SLC25A48: variants seen among roughly 807,000 people sequenced by gnomAD.
SLC25A48 encodes solute carrier family 25 member 48.
SLC25A48 carries 29 observed loss-of-function variants against 32.2 expected under a neutral mutation model. That is an observed-to-expected ratio of 0.90 (90% CI 0.67 to 1.23). The LOEUF is 1.23. SLC25A48 is among the 50% of genes most tolerant of loss of function. SLC25A48 has a pLI of 0.00. For missense variants in SLC25A48, 399 were observed against 422.7 expected, an observed-to-expected ratio of 0.94 and a Z score of 0.49; for synonymous variants, 164 against 172.3, an observed-to-expected ratio of 0.95 and a Z score of 0.38.
chr5:135,582,749 C>A (rs1235600701), intron 1 of SLC25A48, among the ~76,000 whole-genome samples: 1 of 152,180 alleles, frequency 6.6e-6, no homozygotes, highest in Non-Finnish European at 1.5e-5. Flanking sequence ...CCTGTTCCCA[C>A]CTCAGGGTCT....
intron 1 of SLC25A48, chr5:135,609,500 C>G (rs1192794157): frequency 6.6e-6 from 1 of 152,234 alleles, no homozygotes; most frequent in African/African-American, 2.4e-5. Context: ...GGAAGGGGTA[C>G]TGTTCAGATG....
intron 3 of SLC25A48, among the ~76,000 whole-genome samples, chr5:135,779,426 C>A (rs1580870688): frequency 6.6e-6 from 1 of 151,664 alleles, no homozygotes; most frequent in Non-Finnish European, 1.5e-5. Flanking sequence ...ACATTACTCC[C>A]AATATCACAG....
intron 3 of SLC25A48, among the ~76,000 whole-genome samples, chr5:135,636,976 C>G (rs903044270): frequency 7.8e-6 from 1 of 128,882 alleles, no homozygotes; most frequent in South Asian, 2.5e-4. Context: ...GTATCCGTTA[C>G]GAGTAGGGTG....
At position 135,648,014 on chromosome 5, in the gene SLC25A48, C is replaced by T. The variant is rs565103077; in HGVS notation, c.-521+13058C>T. ...TCTGGCTTTGCACTAGACTCTTCCT[C>T]TCTGGGCTCAGGCCTGTGTGGCCTG... is the stretch of plus-strand genomic sequence containing the variant. On this transcript the variant is annotated intron_variant, in intron 3 of 10. Coordinates refer to the SLC25A48 transcript ENST00000646290. Among the ~76,000 whole-genome samples the T allele has an allele frequency of 2.6e-5, 4 of 152,294 alleles. No individual in the cohort carries two copies. The South Asian group carries it at 8.3e-4, about 32-fold the overall frequency.
chr5:135,756,891 T>C (rs1755923832), intron 3 of SLC25A48, among the ~76,000 whole-genome samples: 1 of 151,488 alleles, frequency 6.6e-6, no homozygotes, highest in Admixed American at 6.6e-5. Context: ...ATGATATTTA[T>C]AATATGTAGT....
intron 3 of SLC25A48, among the ~76,000 whole-genome samples, chr5:135,777,565 AAGG>A (rs1756597859): frequency 6.6e-6 from 1 of 151,734 alleles, no homozygotes; most frequent in Non-Finnish European, 1.5e-5. Flanking sequence ...ATTTAGAAAA[AAGG>A]AGGATAATAT....
chr5:135,598,593 A>G (rs182537174), intron 1 of SLC25A48, among the ~76,000 whole-genome samples: 2 of 152,330 alleles, frequency 1.3e-5, no homozygotes, highest in East Asian at 3.9e-4. Context: ...CAGGCACTTC[A>G]CAGAAGAAAA....
chr5:135,818,973 T>C lies in SLC25A48; in HGVS notation c.-117+6047T>C, dbSNP rs116499006. 7.1e-3 allele frequency among the ~76,000 whole-genome samples: 1,087 copies of C among 152,066 alleles called. 16 individuals carry two copies. The highest frequency in any genetic ancestry group is 0.026 in the African/African-American group (1,061 of 41,470). On this transcript the variant is annotated intron_variant, in intron 4 of 10. Coordinates refer to the SLC25A48 transcript ENST00000646290. ...AATGATTTCAGTAGCAGAATGGTGA[T>C]GTCAAGAGGAAAGAGTCTGTGAGCT...
At chr5:135,698,453 C>G (rs1480580827) in intron 3 of SLC25A48, among the ~76,000 whole-genome samples, 1 of 152,196 alleles carries the variant, frequency 6.6e-6, no homozygotes, top group Non-Finnish European at 1.5e-5. Context: ...TATCTTCAGC[C>G]TGAAGCTTAA....
At chr5:135,721,582 G>A (rs1754957399) in intron 3 of SLC25A48, among the ~76,000 whole-genome samples, 2 of 152,134 alleles carry the variant, frequency 1.3e-5, no homozygotes, top group African/African-American at 4.8e-5. Flanking sequence ...ATTTCCAAAG[G>A]ATTCCACAGC....
intron 3 of SLC25A48, among the ~76,000 whole-genome samples, chr5:135,666,505 G>C (rs180988910): frequency 1.3e-5 from 2 of 152,082 alleles, no homozygotes; most frequent in East Asian, 3.9e-4. Flanking sequence ...TCTGCTCCTC[G>C]ATGTTTACCT....
In SLC25A48 at chr5:135,874,022, A is replaced by T; in HGVS notation, c.681A>T (p.Gly227=). The T allele has an allele frequency of 6.5e-7, 1 of 1,532,834 alleles. No homozygotes were observed. Among genetic ancestry groups the T allele is most frequent in the South Asian group, 1.2e-5 (1 of 83,554 alleles). 95.0% of individuals were successfully genotyped at this position (1,532,834 alleles called of 1,614,324 possible). ...ACACCTGTTTCTTTCTCTTTGCAGG[A>T]GCAATTTCTTGGGGGACAGCGACTC... ...CAVWLAGGMA[G]AISWGTATPM... is the part of the protein sequence containing the mutation. The change falls in exon 6 of 8, where the codon GGA becomes GGT. Residue 227 remains glycine (G), a splice_region_variant and synonymous_variant. Transcript: ENST00000681962.
At chr5:135,818,883 T>TA (rs888510854) in intron 4 of SLC25A48, among the ~76,000 whole-genome samples, 16 of 149,986 alleles carry the variant, frequency 1.1e-4, no homozygotes, top group South Asian at 4.2e-4. Flanking sequence ...ATAGCAACTA[T>TA]AAAAAAAAAC....
intron 3 of SLC25A48, among the ~76,000 whole-genome samples, chr5:135,771,543 G>T (rs1227097461): frequency 6.6e-6 from 1 of 151,490 alleles, no homozygotes; most frequent in Non-Finnish European, 1.5e-5. Context: ...TCTCATTTTC[G>T]TGGGGGGTGT....
intron 3 of SLC25A48, among the ~76,000 whole-genome samples, chr5:135,770,064 C>T (rs551639020): frequency 1.4e-5 from 2 of 145,442 alleles, no homozygotes; most frequent in African/African-American, 4.9e-5. Flanking sequence ...AAACCCCCCA[C>T]GTGATATTTT....
At chr5:135,597,884 G>A (rs1357906093) in intron 1 of SLC25A48, among the ~76,000 whole-genome samples, 1 of 152,052 alleles carries the variant, frequency 6.6e-6, no homozygotes, top group African/African-American at 2.4e-5. Context: ...CACGCCTGTA[G>A]TCCCAGCTAC....
chr5:135,783,254 C>G (rs1484063426), intron 3 of SLC25A48, among the ~76,000 whole-genome samples: 2,354 of 93,694 alleles, frequency 0.025, 24 homozygotes, highest in Non-Finnish European at 0.029. Context: ...GCATACATAT[C>G]CACTGTGGTA....
At position 135,732,605 on chromosome 5, in the gene SLC25A48, T is replaced by G. The variant is rs1218326846; in HGVS notation, c.-520-79918T>G. Among the ~76,000 whole-genome samples the G allele has an allele frequency of 2.0e-5, 3 of 152,150 alleles. No individual in the cohort carries two copies. In the East Asian group the frequency reaches 5.8e-4, roughly 29 times the overall value. On this transcript the variant is annotated intron_variant, in intron 3 of 10. Transcript: ENST00000646290. ...AGAAGTGATTTCCTTAAGGATAGAT[T>G]TCCACGATGGAAAGGAAATGAGAGG...
rs1402681382 is a variant in SLC25A48, at chr5:135,876,128, C to CTTTTTTTTTTTTT, written c.813+1976_813+1977insTTTTTTTTTTTTT. ...TTGTCTTTTGTATCTTTTTTTTCTT[C>CTTTTTTTTTTTTT]TTCTTTTTTTTTTTTTTTTTTTTTT... On this transcript the variant is annotated intron_variant, in intron 6 of 7. Transcript: ENST00000681962. 37 of 47,860 alleles carry CTTTTTTTTTTTTT rather than the reference C, an allele frequency of 7.7e-4. 1 individual carries two copies. Among genetic ancestry groups the CTTTTTTTTTTTTT allele is most frequent in the African/African-American group, 1.4e-3 (18 of 12,740 alleles). 3.0% of individuals were successfully genotyped at this position (47,860 alleles called of 1,614,324 possible). A position where few individuals can be genotyped will look rare whatever the true frequency, so the allele number is the denominator to read the frequency against.
Sources: allele counts gnomAD v4.1 joint callset (sites outside exome capture counted in the v4.1 genomes callset), GRCh38; gene constraint gnomAD v4.1.1; transcripts MANE v1.5; gene names NCBI Gene and HGNC (gene_info 2026-07-23, HGNC 2026-07-21).